CABIN1: variants seen among roughly 807,000 people sequenced by gnomAD.
CABIN1 encodes calcineurin-binding protein cabin-1.
CABIN1 carries 133 observed loss-of-function variants against 227.7 expected under a neutral mutation model. That is an observed-to-expected ratio of 0.58 (90% CI 0.51 to 0.67). The LOEUF (loss-of-function observed/expected upper bound fraction) is 0.67, where lower values mean the gene tolerates loss of function less well. Ranked by LOEUF, CABIN1 falls within the 30% of genes least tolerant of loss-of-function variation. CABIN1 has a pLI of 0.00. For missense variants in CABIN1, 2,408 were observed against 2,852.5 expected (o/e 0.84, Z 3.55); for synonymous variants, 1,086 against 1,155.1 (o/e 0.94, Z 1.21).
At chr22:24,012,218 C>T (rs1421596942) in intron 1 of CABIN1, among the ~76,000 whole-genome samples, 1 of 151,874 alleles carries the variant, frequency 6.6e-6, no homozygotes, top group South Asian at 2.1e-4. Flanking sequence ...TGGATACAGC[C>T]AAAGACAATA....
chr22:24,147,960 G>A (rs901522780), intron 29 of CABIN1, among the ~76,000 whole-genome samples: 1 of 152,218 alleles, frequency 6.6e-6, no homozygotes, highest in African/African-American at 2.4e-5. Flanking sequence ...CTGGGCAAAG[G>A]CAGAGTCTGG....
At chr22:24,051,451 A>G (rs1015746331) in intron 8 of CABIN1, among the ~76,000 whole-genome samples, 2 of 152,076 alleles carry the variant, frequency 1.3e-5, no homozygotes, top group Non-Finnish European at 2.9e-5. Flanking sequence ...TGCCAGCCCC[A>G]TGATGTGAGA....
At chr22:24,096,870 C>A (rs1006134084) in intron 25 of CABIN1, among the ~76,000 whole-genome samples, 3 of 152,350 alleles carry the variant, frequency 2.0e-5, no homozygotes, top group Middle Eastern at 6.8e-3. Flanking sequence ...GGGCACTGTG[C>A]GAAATTCAGC....
Position 24,177,988 on chromosome 22 carries a change from G to A in CABIN1, c.6520-65G>A. On this transcript the variant is annotated intron_variant, in intron 36 of 36. Coordinates refer to ENST00000263119, the MANE Select transcript of CABIN1 (RefSeq NM_012295.4). This position sits in a 1 kb window ranked among gnomAD's most constrained non-coding sequence, Gnocchi z 4.4. ...GGGGGCCTGGGGCAGGGGTGAAGGT[G>A]GCAGAGGGGCTTGGGGCAGAGCCCA... 1 of 1,608,104 alleles carries A rather than the reference G, an allele frequency of 6.2e-7. No homozygotes were observed. Among genetic ancestry groups the A allele is most frequent in the Non-Finnish European group, 8.5e-7 (1 of 1,178,580 alleles).
intron 31 of CABIN1, among the ~76,000 whole-genome samples, chr22:24,166,095 G>T (rs1374523241): frequency 6.6e-6 from 1 of 152,228 alleles, no homozygotes; most frequent in Non-Finnish European, 1.5e-5. Context: ...AGCCAGGACT[G>T]CCTCCAAAGC....
intron 29 of CABIN1, among the ~76,000 whole-genome samples, chr22:24,158,873 G>A (rs1378916803): frequency 1.3e-5 from 2 of 152,160 alleles, no homozygotes; most frequent in African/African-American, 4.8e-5. Context: ...TGGATGTGGC[G>A]CTAGGAACAT....
At chr22:24,147,093 C>G (rs1228779106) in intron 29 of CABIN1, among the ~76,000 whole-genome samples, 1 of 152,220 alleles carries the variant, frequency 6.6e-6, no homozygotes, top group African/African-American at 2.4e-5. Context: ...CCCTCTGCCC[C>G]CAGCTGCCCT....
chr22:24,142,372 C>T (rs1166084980), intron 29 of CABIN1, among the ~76,000 whole-genome samples: 1 of 151,816 alleles, frequency 6.6e-6, no homozygotes, highest in East Asian at 1.9e-4. Context: ...CAAGAATTCC[C>T]TAGGACGAAT....
rs143313605 is a variant in CABIN1, at chr22:24,068,175, A to G, written c.2232+994A>G. ...GCACCTCAGTCATGGGGAAAGGGTAAGAAAGAGTTGGTTTGGGGAAGCAGG... is the reference window on the plus strand; with the variant it reads ...GCACCTCAGTCATGGGGAAAGGGTAGGAAAGAGTTGGTTTGGGGAAGCAGG... On this transcript the variant is annotated intron_variant, in intron 16 of 36. Transcript: ENST00000263119. Among the ~76,000 whole-genome samples the G allele has an allele frequency of 1.2e-3, 189 of 152,324 alleles. 2 individuals are homozygous for G. The highest frequency in any genetic ancestry group is 4.4e-3 in the African/African-American group (183 of 41,554).
chr22:24,032,266 T>C (rs2036552161), intron 1 of CABIN1, among the ~76,000 whole-genome samples: 1 of 152,182 alleles, frequency 6.6e-6, no homozygotes, highest in South Asian at 2.1e-4. Context: ...TCTGGCTTAT[T>C]TTACTTAGTG....
intron 4 of CABIN1, among the ~76,000 whole-genome samples, chr22:24,039,008 A>G (rs112441801): frequency 0.01 from 1,597 of 152,326 alleles, 24 homozygotes; most frequent in African/African-American, 0.036. Flanking sequence ...AGGCAGAGCA[A>G]GACCTGGTCC....
chr22:24,045,627 T>C (rs2037814084), intron 6 of CABIN1, among the ~76,000 whole-genome samples: 2 of 152,092 alleles, frequency 1.3e-5, no homozygotes, highest in Admixed American at 6.5e-5. Flanking sequence ...AAAAATTTGT[T>C]TCCACATATT....
intron 27 of CABIN1, among the ~76,000 whole-genome samples, chr22:24,118,168 G>A (rs576723808): frequency 9.9e-5 from 15 of 152,282 alleles, no homozygotes; most frequent in African/African-American, 3.1e-4. Context: ...TGCAGGGGAG[G>A]GAGAAGGGCA....
At chr22:24,094,679 C>T (rs961121710) in intron 24 of CABIN1, among the ~76,000 whole-genome samples, 6 of 150,822 alleles carry the variant, frequency 4.0e-5, no homozygotes, top group African/African-American at 1.5e-4. Context: ...TAGCCGGGCG[C>T]GGTGGCGGGC....
At position 24,166,955 on chromosome 22, in the gene CABIN1, G is replaced by T; in HGVS notation, c.5324G>T (p.Arg1775Leu). ...EATVCHSDLE[R>L]TPPLLPGRPA... Reference sequence around the variant, plus strand: ...ACTGTTTGCCACTCAGACTTGGAGCGGACACCACCCCTGCTGCCAGGTCGC... The same window carrying T: ...ACTGTTTGCCACTCAGACTTGGAGCTGACACCACCCCTGCTGCCAGGTCGC... The change falls in exon 32 of 37, where the codon CGG (arginine) becomes CTG (leucine). Residue 1775 changes from arginine to leucine, a missense_variant. By Grantham distance (102) the Arg-to-Leu change is moderately radical (BLOSUM62 -2). Around this residue, in one of 3 missense-constraint regions of CABIN1, gnomAD observed 714 missense variants for 773.8 expected, o/e 0.92. Transcript: ENST00000263119. 1 of 1,594,818 alleles carries T rather than the reference G, an allele frequency of 6.3e-7. No individual in the cohort carries two copies.
Position 24,177,397 on chromosome 22 carries a change from A to G in CABIN1, c.6206-107A>G, listed in dbSNP as rs554793975. On this transcript the variant is annotated intron_variant, in intron 35 of 36. Coordinates refer to ENST00000263119, the MANE Select transcript of CABIN1 (RefSeq NM_012295.4). This position sits in a 1 kb window ranked among gnomAD's most constrained non-coding sequence, Gnocchi z 4.4. ...TGGAGCCTGCCAGCCAGCACAAACT[A>G]CACAGCATAAAGGCCCAGGACCTGG... 5.0e-6 allele frequency: 5 copies of G among 1,001,174 alleles called. No individual in the cohort carries two copies. Among genetic ancestry groups the G allele is most frequent in the East Asian group, 2.5e-5 (1 of 40,150 alleles). 62.0% of individuals were successfully genotyped at this position (1,001,174 alleles called of 1,614,324 possible). A position where few individuals can be genotyped will look rare whatever the true frequency, so the allele number is the denominator to read the frequency against.
intron 1 of CABIN1, among the ~76,000 whole-genome samples, chr22:24,013,644 C>G (rs1359681943): frequency 6.6e-6 from 1 of 152,174 alleles, no homozygotes; most frequent in Non-Finnish European, 1.5e-5. Flanking sequence ...AGTGTTGGTA[C>G]AGTATTATTA....
At chr22:24,165,137 A>G (rs1252592906) in intron 30 of CABIN1, among the ~76,000 whole-genome samples, 1 of 152,166 alleles carries the variant, frequency 6.6e-6, no homozygotes, top group African/African-American at 2.4e-5. Context: ...GCCTCCTCCC[A>G]TGCCTGCACT....
intron 29 of CABIN1, among the ~76,000 whole-genome samples, chr22:24,163,974 C>T (rs1179292480): frequency 1.3e-5 from 2 of 152,198 alleles, no homozygotes; most frequent in South Asian, 2.1e-4. Context: ...AGAGCCTAGC[C>T]AGAGCTTCCC....
Sources: gnomAD v4.1 joint callset for allele counts (sites outside exome capture counted in the v4.1 genomes callset) on GRCh38, gnomAD v4.1.1 for gene constraint, gnomAD v4.1.1 regional missense constraint, Gnocchi (gnomAD v3.1) non-coding constraint, MANE v1.5 for transcripts, NCBI Gene and HGNC (gene_info 2026-07-23, HGNC 2026-07-21) for gene names.